TTC28: variants seen among roughly 807,000 people sequenced by gnomAD.
TTC28 encodes tetratricopeptide repeat domain 28.
A neutral mutation model predicts 198.0 loss-of-function variants in TTC28; 61 were observed. The ratio of observed to expected loss-of-function variants is 0.31; its 90% CI spans 0.25 to 0.38. The LOEUF (loss-of-function observed/expected upper bound fraction) is 0.38. Ranked by LOEUF, TTC28 falls within the 10% of genes least tolerant of loss-of-function variation. TTC28 has a pLI of 1.00. For missense variants in TTC28, 2,678 were observed against 3,164.0 expected (o/e 0.85, Z 3.69); for synonymous variants, 1,171 against 1,297.8 (o/e 0.90, Z 2.10).
chr22:28,342,772 C>A (rs995783373), intron 2 of TTC28, among the ~76,000 whole-genome samples: 1 of 152,174 alleles, frequency 6.6e-6, no homozygotes, highest in African/African-American at 2.4e-5. Context: ...CACAGTATGT[C>A]TAACTCATAA....
chr22:28,515,192 G>C (rs965949250), intron 2 of TTC28, among the ~76,000 whole-genome samples: 3 of 151,998 alleles, frequency 2.0e-5, no homozygotes, highest in African/African-American at 7.2e-5. Context: ...TTCTATTAAA[G>C]AAAAGCTTTC....
intron 12 of TTC28, among the ~76,000 whole-genome samples, chr22:28,060,066 A>G (rs894432797): frequency 6.6e-6 from 1 of 152,076 alleles, no homozygotes; most frequent in Non-Finnish European, 1.5e-5. Flanking sequence ...CTAATATTTA[A>G]TGAAAGTACT....
chr22:28,489,927 T>C (rs1035668516), intron 2 of TTC28, among the ~76,000 whole-genome samples: 7 of 152,162 alleles, frequency 4.6e-5, no homozygotes, highest in African/African-American at 1.4e-4. Flanking sequence ...ATAGGCTGTC[T>C]GCAAGCTAAG....
intron 5 of TTC28, among the ~76,000 whole-genome samples, chr22:28,219,274 C>T (rs540252187): frequency 1.3e-5 from 2 of 152,076 alleles, no homozygotes; most frequent in Admixed American, 6.5e-5. Flanking sequence ...TTTGGGAGGT[C>T]GAGGCAGGTG....
intron 5 of TTC28, among the ~76,000 whole-genome samples, chr22:28,292,700 C>G (rs2044811364): frequency 6.6e-6 from 1 of 152,210 alleles, no homozygotes; most frequent in Admixed American, 6.5e-5. Flanking sequence ...AAAGCTTCCT[C>G]AAGTTTATAC....
chr22:28,111,973 C>T (rs1287734435), intron 6 of TTC28, among the ~76,000 whole-genome samples: 1 of 152,096 alleles, frequency 6.6e-6, no homozygotes, highest in East Asian at 1.9e-4. Flanking sequence ...ATTAGAAAGG[C>T]ACAATATAAT....
intron 5 of TTC28, among the ~76,000 whole-genome samples, chr22:28,194,192 T>C (rs1925165894): frequency 6.6e-6 from 1 of 152,162 alleles, no homozygotes; most frequent in Non-Finnish European, 1.5e-5. Context: ...ACTGGGTACA[T>C]AACAAAATGA....
intron 12 of TTC28, among the ~76,000 whole-genome samples, chr22:28,072,053 T>G (rs1195397642): frequency 6.6e-6 from 1 of 152,230 alleles, no homozygotes; most frequent in African/African-American, 2.4e-5. Flanking sequence ...TGATCTGGAT[T>G]AAGTCTACCT....
At chr22:28,513,549 G>A (rs886174344) in intron 2 of TTC28, among the ~76,000 whole-genome samples, 13 of 152,158 alleles carry the variant, frequency 8.5e-5, no homozygotes, top group African/African-American at 2.9e-4. Context: ...GGCTGCATAA[G>A]CTATGATGGC....
At chr22:28,133,576 C>G (rs773721779) in intron 6 of TTC28, among the ~76,000 whole-genome samples, 1 of 152,232 alleles carries the variant, frequency 6.6e-6, no homozygotes, top group African/African-American at 2.4e-5. Context: ...CCGCGCATGG[C>G]TCAGAGGGTC....
At chr22:28,303,447 G>A (rs1265541619) in intron 3 of TTC28, among the ~76,000 whole-genome samples, 2 of 151,986 alleles carry the variant, frequency 1.3e-5, no homozygotes, top group African/African-American at 4.8e-5. Flanking sequence ...CAGGAGAAAA[G>A]GTTTAGCTGA....
At chr22:28,243,800 A>C (rs1929877100) in intron 5 of TTC28, among the ~76,000 whole-genome samples, 1 of 152,164 alleles carries the variant, frequency 6.6e-6, no homozygotes, top group Non-Finnish European at 1.5e-5. Flanking sequence ...GGACATAAGG[A>C]TAGAGAAATA....
At chr22:28,481,129 T>C (rs1049526199) in intron 2 of TTC28, among the ~76,000 whole-genome samples, 1 of 152,186 alleles carries the variant, frequency 6.6e-6, no homozygotes, top group African/African-American at 2.4e-5. Context: ...TAAAGTCAAC[T>C]CAACATAAAA....
At position 28,347,286 on chromosome 22, in the gene TTC28, C is replaced by A. The variant is rs868378587; in HGVS notation, c.382-40643G>T. Among the ~76,000 whole-genome samples the A allele has an allele frequency of 3.3e-3, 473 of 144,014 alleles. 3 individuals are homozygous for A. The highest frequency in any genetic ancestry group is 4.9e-3 in the Non-Finnish European group (319 of 65,236). 94.5% of individuals were successfully genotyped at this position (144,014 alleles called of 152,430 possible). ...CTCAAAAGAGGAAAAAAAAAAAAAA[C>A]AAAAAAAGAAAAAAGAAAGACTCTT... On this transcript the variant is annotated intron_variant, in intron 2 of 22. Transcript: ENST00000397906.
intron 2 of TTC28, among the ~76,000 whole-genome samples, chr22:28,605,163 T>A (rs1035849993): frequency 6.6e-6 from 1 of 152,170 alleles, no homozygotes; most frequent in African/African-American, 2.4e-5. Context: ...ACAGCATCCA[T>A]CTTAAAGTAG....
chr22:28,180,463 T>C (rs1923590402), intron 5 of TTC28, among the ~76,000 whole-genome samples: 1 of 152,132 alleles, frequency 6.6e-6, no homozygotes, highest in Non-Finnish European at 1.5e-5. Flanking sequence ...TTAAGAAAAA[T>C]GTGAATCTTT....
chr22:28,269,123 T>G (rs1287725644), intron 5 of TTC28, among the ~76,000 whole-genome samples: 1 of 152,102 alleles, frequency 6.6e-6, no homozygotes, highest in African/African-American at 2.4e-5. Flanking sequence ...CTAATTTTAT[T>G]ATACCTAGTT....
chr22:28,334,425 A>T (rs2045672060), intron 2 of TTC28, among the ~76,000 whole-genome samples: 1 of 152,218 alleles, frequency 6.6e-6, no homozygotes. Context: ...AGGAATCGCC[A>T]CACTGATTTC....
intron 6 of TTC28, among the ~76,000 whole-genome samples, chr22:28,116,469 GC>G (rs1942633697): frequency 6.6e-6 from 1 of 152,204 alleles, no homozygotes; most frequent in Admixed American, 6.5e-5. Flanking sequence ...CTATGGCCGG[GC>G]CACTGGGAGA....
Sources: gnomAD v4.1 joint callset for allele counts (sites outside exome capture counted in the v4.1 genomes callset) on GRCh38, gnomAD v4.1.1 for gene constraint, MANE v1.5 for transcripts, NCBI Gene and HGNC (gene_info 2026-07-23, HGNC 2026-07-21) for gene names.